Variants in TMEM255B observed in about 807,000 individuals in gnomAD.
TMEM255B encodes the protein family with sequence similarity 70, member B.
TMEM255B carries 35 observed loss-of-function variants against 34.5 expected under a neutral mutation model. The ratio of observed to expected loss-of-function variants is 1.01; its 90% CI spans 0.77 to 1.34. The LOEUF (loss-of-function observed/expected upper bound fraction) is 1.34, where lower values mean the gene tolerates loss of function less well. Ranked by LOEUF, TMEM255B falls within the 40% of genes most tolerant of loss-of-function variation. The pLI, the probability that TMEM255B is intolerant of heterozygous loss-of-function variation, is 0.00. For synonymous variants in TMEM255B, 206 were observed against 201.2 expected (o/e 1.02, Z -0.20); for missense variants, 432 against 433.2 (o/e 1.00, Z 0.02).
rs751384258 is a variant in TMEM255B, at chr13:113,795,230, A to G, written c.335A>G (p.Gln112Arg). 1.9e-6 allele frequency: 3 copies of G among 1,613,658 alleles called. No individual in the cohort carries two copies. The highest frequency in any genetic ancestry group is 3.3e-5 in the Admixed American group (2 of 60,024). ...CAIVDGVFAA[Q>R]HIEPRPLTTG... is the part of the protein sequence containing the mutation. ...ATCGTGGACGGCGTATTTGCAGCAC[A>G]GCACATTGTGAGTACATTGTCATTG... The change falls in exon 4 of 9, where the codon CAG becomes CGG. Residue 112 changes from glutamine (Q) to arginine (R), a missense_variant. Physicochemically the swap from Gln to Arg is conservative, Grantham distance 43. Transcript: ENST00000375353.
chr13:113,803,611 A>C, intron 7 of TMEM255B, among the ~76,000 whole-genome samples: 1 of 149,196 alleles, frequency 6.7e-6, no homozygotes, highest in South Asian at 2.1e-4. Flanking sequence ...AGGCCTCCCC[A>C]CCCCTCTACC....
rs116235990 is a variant in TMEM255B, at chr13:113,769,065, A to G, written c.190-33A>G. ...TGTTAAGCTTCTAGGCACGTTAATG[A>G]GTGTTTCTCTCTCGTTCTTCCTTTG... is the stretch of plus-strand genomic sequence containing the variant. On this transcript the variant is annotated intron_variant, in intron 2 of 8. Transcript: ENST00000375353. This position sits in a 1 kb window ranked among gnomAD's most constrained non-coding sequence, Gnocchi z 4.2. 2,828 of 1,611,508 alleles carry G rather than the reference A, an allele frequency of 1.8e-3. 47 individuals carry two copies. In the African/African-American group the frequency reaches 0.033, roughly 19 times the overall value.
chr13:113,800,821 C>G lies in TMEM255B; in HGVS notation c.424-6C>G, dbSNP rs1218474089. On this transcript the variant is annotated splice_polypyrimidine_tract_variant and splice_region_variant and intron_variant, in intron 5 of 8. Coordinates refer to ENST00000375353, the MANE Select transcript of TMEM255B (RefSeq NM_182614.4). ...CATGTGACCTGACAAGGCCTCTCTG[C>G]CCCAGGTCACCTGTCACTCCCTGGA... is the stretch of plus-strand genomic sequence containing the variant. The G allele has an allele frequency of 1.2e-6, 2 of 1,602,360 alleles. No homozygotes were observed. Among genetic ancestry groups the G allele is most frequent in the Admixed American group, 1.7e-5 (1 of 58,800 alleles).
intron 3 of TMEM255B, among the ~76,000 whole-genome samples, chr13:113,778,281 A>T (rs7400267): frequency 6.6e-6 from 1 of 152,054 alleles, no homozygotes; most frequent in Non-Finnish European, 1.5e-5. Context: ...TCTCCCAGCA[A>T]GATGAGAGTC....
intron 1 of TMEM255B, chr13:113,761,458 G>A (rs1484564118): frequency 1.4e-6 from 1 of 725,748 alleles, no homozygotes; most frequent in Non-Finnish European, 1.7e-6. Context: ...GGGCTGGTGG[G>A]GAGTGACAAG....
chr13:113,782,905 G>A (rs1399611283), intron 3 of TMEM255B, among the ~76,000 whole-genome samples: 1 of 152,178 alleles, frequency 6.6e-6, no homozygotes, highest in Non-Finnish European at 1.5e-5. Flanking sequence ...CTGACTTTTG[G>A]ACAGCAGAGG....
In TMEM255B at chr13:113,761,107, T is replaced by A. The variant is rs76083648; in HGVS notation, c.46+1792T>A. 1,134 of 859,812 alleles carry A rather than the reference T, an allele frequency of 1.3e-3. 12 individuals carry two copies. The African/African-American group carries it at 0.02, about 15-fold the overall frequency. The allele number at this position is 859,812 out of a possible 1,614,324, so 53.3% of individuals were successfully genotyped here. ...AAAGAGGAATTGACGGCTGAGTGAT[T>A]ACAGTTTTACCTGGGATTGTTACTT... On this transcript the variant is annotated intron_variant, in intron 1 of 8. Coordinates refer to ENST00000375353, the MANE Select transcript of TMEM255B (RefSeq NM_182614.4).
In TMEM255B at chr13:113,790,207, C is replaced by T. The variant is rs372996910; in HGVS notation, c.253-4941C>T. ...GTGGACATCCTAACACTGAACTGAC[C>T]GGGCATGTGGACATCCTAGCGCTGG... On this transcript the variant is annotated intron_variant, in intron 3 of 8. Coordinates refer to ENST00000375353, the MANE Select transcript of TMEM255B (RefSeq NM_182614.4). 1.8e-3 allele frequency among the ~76,000 whole-genome samples: 186 copies of T among 101,436 alleles called. 19 individuals carry two copies. Among genetic ancestry groups the T allele is most frequent in the African/African-American group, 4.8e-3 (159 of 33,224 alleles). 66.5% of individuals were successfully genotyped at this position (101,436 alleles called of 152,430 possible).
At chr13:113,786,297 T>C (rs1350515148) in intron 3 of TMEM255B, among the ~76,000 whole-genome samples, 2 of 151,550 alleles carry the variant, frequency 1.3e-5, no homozygotes, top group Non-Finnish European at 2.9e-5. Context: ...CTCGCTGTCA[T>C]TGCCATTGTC....
At chr13:113,804,555 T>TA (rs2051127961) in intron 7 of TMEM255B, among the ~76,000 whole-genome samples, 1 of 152,260 alleles carries the variant, frequency 6.6e-6, no homozygotes, top group South Asian at 2.1e-4. Context: ...AACCTCAGTG[T>TA]AAAGCTACGC....
chr13:113,767,998 C>A, intron 2 of TMEM255B: 1 of 301,162 alleles, frequency 3.3e-6, no homozygotes, highest in East Asian at 9.7e-5. Context: ...TGGTGAAAGC[C>A]ACATGTGTAC....
At chr13:113,804,642 G>A (rs1037363816) in intron 7 of TMEM255B, among the ~76,000 whole-genome samples, 3 of 143,642 alleles carry the variant, frequency 2.1e-5, no homozygotes, top group African/African-American at 7.7e-5. Flanking sequence ...ATAAACGCAC[G>A]CCGGGCCGGG....
intron 8 of TMEM255B, among the ~76,000 whole-genome samples, chr13:113,807,898 C>T (rs369383049): frequency 6.6e-6 from 1 of 152,114 alleles, no homozygotes; most frequent in Non-Finnish European, 1.5e-5. Flanking sequence ...ACTTCATCCC[C>T]ATGGTGCTCC....
chr13:113,774,581 C>A (rs1319383226), intron 3 of TMEM255B, among the ~76,000 whole-genome samples: 13 of 145,304 alleles, frequency 8.9e-5, no homozygotes, highest in Non-Finnish European at 1.8e-4. Flanking sequence ...ATGACACACA[C>A]ACCACACAAC....
rs892049218 is a variant in TMEM255B, at chr13:113,806,536, G to A, written c.813+1508G>A. ...AAGGCCCCTGCTGGAGGTCTGGCCTGGAAACATCTTTTCCATTTCTGTGAC... is the reference window on the plus strand; with the variant it reads ...AAGGCCCCTGCTGGAGGTCTGGCCTAGAAACATCTTTTCCATTTCTGTGAC... On this transcript the variant is annotated intron_variant, in intron 8 of 8. Coordinates refer to ENST00000375353, the MANE Select transcript of TMEM255B (RefSeq NM_182614.4). This position sits in a 1 kb window ranked among gnomAD's most constrained non-coding sequence, Gnocchi z 4.2. Among the ~76,000 whole-genome samples, 1 of 152,180 alleles carries A rather than the reference G, an allele frequency of 6.6e-6. No individual in the cohort carries two copies. Among genetic ancestry groups the A allele is most frequent in the Non-Finnish European group, 1.5e-5 (1 of 68,018 alleles).
At chr13:113,811,522 G>C in intron 8 of TMEM255B, among the ~76,000 whole-genome samples, 1 of 147,814 alleles carries the variant, frequency 6.8e-6, no homozygotes, top group East Asian at 2.0e-4. Context: ...TCTGCGGGGG[G>C]CCCTGTGTGA....
At chr13:113,794,504 T>C (rs757243271) in intron 3 of TMEM255B, among the ~76,000 whole-genome samples, 4 of 152,040 alleles carry the variant, frequency 2.6e-5, no homozygotes, top group Admixed American at 6.6e-5. Flanking sequence ...GAGGGTCTGC[T>C]CTGCCCAGCG....
At chr13:113,780,347 AT>A (rs2050647743) in intron 3 of TMEM255B, among the ~76,000 whole-genome samples, 2 of 152,358 alleles carry the variant, frequency 1.3e-5, no homozygotes, top group African/African-American at 4.8e-5. Context: ...ACAGATTCTT[AT>A]TGCACTTATG....
chr13:113,804,759 G>A lies in TMEM255B; in HGVS notation c.670-126G>A, dbSNP rs892296758. 1.6e-5 allele frequency: 11 copies of A among 700,646 alleles called. No individual in the cohort carries two copies. In the East Asian group the frequency reaches 1.8e-4, roughly 12 times the overall value. The allele number at this position is 700,646 out of a possible 1,614,324, so 43.4% of individuals were successfully genotyped here. A position where few individuals can be genotyped will look rare whatever the true frequency, so the allele number is the denominator to read the frequency against. ...AGCTCCAGCCTGGGTATAAACGCACGCCGGGCCGGGGTTAGTTCCAGCCTG... is the reference window on the plus strand; with the variant it reads ...AGCTCCAGCCTGGGTATAAACGCACACCGGGCCGGGGTTAGTTCCAGCCTG... On this transcript the variant is annotated intron_variant, in intron 7 of 8. Transcript: ENST00000375353.
Sources: allele counts gnomAD v4.1 joint callset (sites outside exome capture counted in the v4.1 genomes callset), GRCh38; gene constraint gnomAD v4.1.1; non-coding constraint Gnocchi (gnomAD v3.1); transcripts MANE v1.5; gene names NCBI Gene and HGNC (gene_info 2026-07-23, HGNC 2026-07-21).